Variants in FHIT observed in about 807,000 individuals in gnomAD.
The protein encoded by FHIT is fragile histidine triad diadenosine triphosphatase.
In FHIT, 19 loss-of-function variants were observed where a neutral mutation model predicts 17.9. The observed-to-expected ratio is 1.06, with a 90% CI of 0.74 to 1.56. FHIT has a LOEUF of 1.56. Ranked by LOEUF, FHIT falls within the 40% of genes most tolerant of loss-of-function variation. The pLI is 0.00. For synonymous variants in FHIT, 81 were observed against 69.7 expected (o/e 1.16, Z -0.81); for missense variants, 248 against 189.2 (o/e 1.31, Z -1.82).
intron 3 of FHIT, among the ~76,000 whole-genome samples, chr3:60,926,722 G>C (rs1485657029): frequency 6.6e-6 from 1 of 152,148 alleles, no homozygotes; most frequent in Non-Finnish European, 1.5e-5. Flanking sequence ...AACTGAAGGA[G>C]ATAGAGACAC....
At chr3:61,036,693 G>C (rs924881230) in intron 3 of FHIT, among the ~76,000 whole-genome samples, 4 of 152,116 alleles carry the variant, frequency 2.6e-5, no homozygotes, top group African/African-American at 7.2e-5. Flanking sequence ...TGTTGGGGAA[G>C]TTTGAGGAGT....
chr3:60,033,965 G>A (rs1270696079), intron 5 of FHIT, among the ~76,000 whole-genome samples: 1 of 152,172 alleles, frequency 6.6e-6, no homozygotes, highest in African/African-American at 2.4e-5. Flanking sequence ...CAGGCTCTGG[G>A]AAGATGAAAA....
At chr3:59,953,647 G>T (rs3772458) in intron 7 of FHIT, among the ~76,000 whole-genome samples, 51,711 of 151,908 alleles carry the variant, frequency 0.34, 10,465 homozygotes, top group East Asian at 0.63. Context: ...TAAGTACTGT[G>T]CTCGGCCTCC....
intron 4 of FHIT, among the ~76,000 whole-genome samples, chr3:60,745,785 T>C (rs537396166): frequency 6.6e-6 from 1 of 152,274 alleles, no homozygotes; most frequent in East Asian, 1.9e-4. Flanking sequence ...CTAACTGTAA[T>C]TCCTGATTCT....
intron 1 of FHIT, among the ~76,000 whole-genome samples, chr3:61,224,548 C>T (rs575425591): frequency 6.6e-6 from 1 of 152,152 alleles, no homozygotes; most frequent in East Asian, 1.9e-4. Context: ...TAGCTGGGAC[C>T]ACGGGCACAT....
At chr3:60,680,692 G>A (rs1465249734) in intron 4 of FHIT, among the ~76,000 whole-genome samples, 1 of 151,674 alleles carries the variant, frequency 6.6e-6, no homozygotes, top group Non-Finnish European at 1.5e-5. Flanking sequence ...TAGAACATCA[G>A]AATAATATAT....
intron 5 of FHIT, among the ~76,000 whole-genome samples, chr3:60,201,270 C>T (rs73834113): frequency 0.033 from 5,031 of 152,110 alleles, 257 homozygotes; most frequent in African/African-American, 0.11. Flanking sequence ...ACCAAATGAT[C>T]GTCTATGGTA....
intron 4 of FHIT, among the ~76,000 whole-genome samples, chr3:60,643,592 C>A (rs2039781325): frequency 6.6e-6 from 1 of 152,156 alleles, no homozygotes. Context: ...AAGTTACTTG[C>A]ATTCTTAGGC....
At chr3:60,811,797 C>T (rs1484833730) in intron 4 of FHIT, among the ~76,000 whole-genome samples, 1 of 152,032 alleles carries the variant, frequency 6.6e-6, no homozygotes, top group African/African-American at 2.4e-5. Context: ...AATATGGAAG[C>T]TTCAGGGTCC....
At chr3:61,012,377 A>T (rs1438067024) in intron 3 of FHIT, among the ~76,000 whole-genome samples, 1 of 152,156 alleles carries the variant, frequency 6.6e-6, no homozygotes, top group African/African-American at 2.4e-5. Flanking sequence ...GAACTAATTG[A>T]GTTGTCAGAG....
chr3:59,938,713 C>T lies in FHIT; in HGVS notation c.280-16299G>A, dbSNP rs186383706. ...ACAATAAAATTTATTTAAAAACCAA[C>T]GAAAAAGCACATTCCCTTCATAAAT... On this transcript the variant is annotated intron_variant, in intron 7 of 9. Transcript: ENST00000492590. Among the ~76,000 whole-genome samples the T allele has an allele frequency of 4.1e-3, 628 of 152,200 alleles. 12 individuals carry two copies. Among genetic ancestry groups the T allele is most frequent in the Admixed American group, 0.036 (554 of 15,272 alleles).
At chr3:60,439,051 G>T (rs1320461973) in intron 5 of FHIT, among the ~76,000 whole-genome samples, 1 of 152,108 alleles carries the variant, frequency 6.6e-6, no homozygotes, top group African/African-American at 2.4e-5. Context: ...GAGAGTGATT[G>T]GCTTTATATT....
intron 8 of FHIT, among the ~76,000 whole-genome samples, chr3:59,921,813 G>A (rs1277595938): frequency 6.6e-6 from 1 of 152,158 alleles, no homozygotes; most frequent in Non-Finnish European, 1.5e-5. Context: ...TTGAATGGGA[G>A]TACTTAGAAA....
intron 2 of FHIT, among the ~76,000 whole-genome samples, chr3:61,119,403 G>A (rs780597258): frequency 1.2e-4 from 18 of 151,906 alleles, no homozygotes; most frequent in Admixed American, 5.9e-4. Flanking sequence ...TAGTAGAGAC[G>A]GGGTTTCAAC....
intron 7 of FHIT, among the ~76,000 whole-genome samples, chr3:59,962,217 G>C (rs1339889658): frequency 6.6e-6 from 1 of 152,156 alleles, no homozygotes; most frequent in Non-Finnish European, 1.5e-5. Context: ...GAGCTTATAA[G>C]GAATACTAAA....
chr3:61,019,992 T>G (rs535652684), intron 3 of FHIT, among the ~76,000 whole-genome samples: 1 of 152,286 alleles, frequency 6.6e-6, no homozygotes, highest in Admixed American at 6.5e-5. Context: ...ATTAGGTATT[T>G]CTCCTAATGC....
intron 4 of FHIT, among the ~76,000 whole-genome samples, chr3:60,546,760 C>A (rs1200201764): frequency 6.6e-6 from 1 of 152,162 alleles, no homozygotes; most frequent in Non-Finnish European, 1.5e-5. Flanking sequence ...CCAGAATTCA[C>A]TGAACCTTCT....
chr3:61,110,314 G>T (rs1003574485), intron 2 of FHIT, among the ~76,000 whole-genome samples: 3 of 152,044 alleles, frequency 2.0e-5, no homozygotes, highest in Non-Finnish European at 4.4e-5. Context: ...CTTTGCCTGG[G>T]AGACTTTTAC....
At chr3:60,536,063 G>T (rs1376355734) in intron 5 of FHIT, 1 of 152,096 alleles carries the variant, frequency 6.6e-6, no homozygotes, top group Non-Finnish European at 1.5e-5. Flanking sequence ...CTAAGTGAAG[G>T]AGGAAAGAGA....
Sources: allele counts gnomAD v4.1 joint callset (sites outside exome capture counted in the v4.1 genomes callset), GRCh38; gene constraint gnomAD v4.1.1; transcripts MANE v1.5; gene names NCBI Gene and HGNC (gene_info 2026-07-23, HGNC 2026-07-21).